Variants in NBPF12 observed in about 807,000 individuals in gnomAD.
The protein encoded by NBPF12 is NBPF member 12, also known as NBPF family member NBPF12.
NBPF12 carries 115 observed loss-of-function variants against 146.4 expected under a neutral mutation model. That is an observed-to-expected ratio of 0.79 (90% CI 0.68 to 0.92). NBPF12 has a LOEUF of 0.92. Among genes scored for constraint, NBPF12 ranks in the 40% least tolerant of loss-of-function variants. NBPF12 has a pLI of 0.00. For synonymous variants in NBPF12, 385 were observed against 508.9 expected (o/e 0.76, Z 3.28); for missense variants, 1,205 against 1,326.8 (o/e 0.91, Z 1.43).
intron 19 of NBPF12, among the ~76,000 whole-genome samples, chr1:146,981,292 A>AT (rs1182919966): frequency 0.051 from 5,252 of 103,622 alleles, 184 homozygotes; most frequent in African/African-American, 0.072. Flanking sequence ...AAAAAAAAAA[A>AT]AAATATATAT....
rs587764085 is a variant in NBPF12 at position 146,994,497 on chromosome 1, C to T, written c.4296C>T (p.Asp1432=). The T allele has an allele frequency of 9.3e-6, 15 of 1,609,422 alleles. No individual in the cohort carries two copies. In the South Asian group the frequency reaches 1.1e-4, roughly 12 times the overall value. ...AACAGCACATCACCTTTGCCCTTGACATGGACAATAGCTTTTTTACTTTGA... is the reference window on the plus strand; with the variant it reads ...AACAGCACATCACCTTTGCCCTTGATATGGACAATAGCTTTTTTACTTTGA... The change falls in exon 34 of 34, where the codon GAC becomes GAT. Residue 1432 remains aspartate (D), a synonymous_variant. Transcript: ENST00000617844.
intron 1 of NBPF12, among the ~76,000 whole-genome samples, chr1:146,950,108 C>T (rs1271220187): frequency 1.3e-5 from 2 of 152,064 alleles, no homozygotes; most frequent in African/African-American, 4.8e-5. Context: ...ATTCCATCTA[C>T]CACAGTAGGA....
chr1:146,967,185 T>A (rs1260889419), intron 9 of NBPF12, among the ~76,000 whole-genome samples: 1 of 150,294 alleles, frequency 6.7e-6, no homozygotes, highest in Non-Finnish European at 1.5e-5. Flanking sequence ...GAACCTGTGC[T>A]ATCTATAAGT....
At chr1:146,970,542 A>G in intron 11 of NBPF12, 105 bp from the exon 15 acceptor site, 2 of 1,409,950 alleles carry the variant, frequency 1.4e-6, no homozygotes, top group Admixed American at 1.7e-5. Context: ...TTTTCAGTAC[A>G]ATGCTGAACC....
chr1:146,960,079 CCAT>C (rs1655761516), intron 3 of NBPF12, 27 bp from the exon 7 acceptor site: 1 of 513,488 alleles, frequency 1.9e-6, no homozygotes, highest in Non-Finnish European at 3.3e-6. Context: ...AGTTTTTAAC[CCAT>C]CATATGTTTG....
upstream of NBPF12, among the ~76,000 whole-genome samples, chr1:146,945,146 C>T (rs1553883237): frequency 0.018 from 2,664 of 148,654 alleles, 47 homozygotes; most frequent in Non-Finnish European, 0.024. Context: ...TTCTTTCTCT[C>T]TCTCTCATGC....
At chr1:146,941,686 G>A (rs1654810093) in intron 1 of NBPF12, among the ~76,000 whole-genome samples, 2 of 145,700 alleles carry the variant, frequency 1.4e-5, no homozygotes, top group South Asian at 2.3e-4. Context: ...CCCAGGAGGC[G>A]GAGGTTGCAT....
At chr1:146,992,088 TGGAGACTCCTGGTTCAG>T (rs1658200609) in intron 31 of NBPF12, 42 bp downstream of exon 34, 1 of 559,888 alleles carries the variant, frequency 1.8e-6, no homozygotes. Context: ...TGTTGACATC[TGGAGACTCCTGGTTCAG>T]GGAAAACAGA....
rs1553886425 is a variant in NBPF12, at chr1:146,971,343, G to T, written c.1540G>T (p.Asp514Tyr). ...CAAAGTCAACTCATCTCTGGTTGTA[G>T]ACAGAGAATCCTCTCATGATGAATG... The change falls in exon 13 of 34, where the codon GAC (aspartate) becomes TAC (tyrosine). Residue 514 changes from aspartate (D) to tyrosine (Y), a missense_variant. By Grantham distance (160) the Asp-to-Tyr change is radical. This residue lies in a region of NBPF12 where 278 missense variants were observed against 203.1 expected (regional missense o/e 1.37). Coordinates refer to ENST00000617844, the Ensembl canonical transcript of NBPF12. The T allele has an allele frequency of 1.6e-4, 258 of 1,611,668 alleles. 3 individuals are homozygous for T. The highest frequency in any genetic ancestry group is 2.0e-4 in the Non-Finnish European group (234 of 1,179,446).
intron 2 of NBPF12, among the ~76,000 whole-genome samples, chr1:146,955,645 T>A (rs1655549449): frequency 2.7e-5 from 4 of 146,484 alleles, no homozygotes; most frequent in Admixed American, 2.7e-4. Flanking sequence ...CATAAGTGAT[T>A]AACTTCTTTT....
Position 146,992,594 on chromosome 1 carries a change from A to G in NBPF12, c.3849-118A>G, listed in dbSNP as rs1484000347. The G allele has an allele frequency of 3.5e-5, 24 of 694,294 alleles. 2 individuals carry two copies. Among genetic ancestry groups the G allele is most frequent in the Non-Finnish European group, 5.8e-5 (22 of 382,324 alleles). The allele number at this position is 694,294 out of a possible 1,614,324, so 43.0% of individuals were successfully genotyped here. On this transcript the variant is annotated intron_variant, in intron 31 of 33. Coordinates refer to ENST00000617844, the Ensembl canonical transcript of NBPF12. ...AAGGCAATAATTTGTTACCTCATTAATGGATCTATCCTTTTACTTTTTTTA... is the reference window on the plus strand; with the variant it reads ...AAGGCAATAATTTGTTACCTCATTAGTGGATCTATCCTTTTACTTTTTTTA...
chr1:146,951,939 G>A (rs1314571636), intron 2 of NBPF12: 4 of 179,052 alleles, frequency 2.2e-5, no homozygotes, highest in African/African-American at 9.6e-5. Context: ...GTAGACAAAG[G>A]TTTTTCAACT....
At chr1:146,980,773 T>G (rs1349587102) in intron 19 of NBPF12, among the ~76,000 whole-genome samples, 5 of 146,246 alleles carry the variant, frequency 3.4e-5, no homozygotes, top group Non-Finnish European at 6.0e-5. Context: ...AGCCATCCCA[T>G]TACTGGGTGT....
intron 2 of NBPF12, among the ~76,000 whole-genome samples, chr1:146,953,489 G>A (rs1249400316): frequency 2.0e-4 from 27 of 136,046 alleles, no homozygotes; most frequent in Admixed American, 1.2e-3. Context: ...GATTACAGGC[G>A]TGAGCCACCA....
intron 13 of NBPF12, among the ~76,000 whole-genome samples, chr1:146,971,792 A>T (rs1393454446): frequency 6.6e-6 from 1 of 150,668 alleles, no homozygotes; most frequent in African/African-American, 2.5e-5. Context: ...ATTAATAAGA[A>T]GTCTTGGCCA....
At chr1:146,964,183 A>G (rs1398246147) in intron 6 of NBPF12, among the ~76,000 whole-genome samples, 174 bp from the exon 10 acceptor site, 1 of 149,850 alleles carries the variant, frequency 6.7e-6, no homozygotes, top group Non-Finnish European at 1.5e-5. Context: ...TCAGAAATGC[A>G]TTGCCTGATG....
intron 2 of NBPF12, among the ~76,000 whole-genome samples, chr1:146,955,939 G>A (rs1282924572): frequency 2.7e-5 from 4 of 150,742 alleles, no homozygotes; most frequent in Non-Finnish European, 4.4e-5. Context: ...AAAACTCTTG[G>A]TGGGCTTTTG....
chr1:146,969,641 G>A lies in NBPF12; in HGVS notation c.1306+45G>A. On this transcript the variant is annotated intron_variant, in intron 11 of 33. Transcript: ENST00000617844. Reference sequence around the variant, plus strand: ...TGATGACCCAAAACCCCAGGCTTATGAGAGGCTCCAGACCTCCATACTTTC... The same window carrying A: ...TGATGACCCAAAACCCCAGGCTTATAAGAGGCTCCAGACCTCCATACTTTC... 4 of 1,576,394 alleles carry A rather than the reference G, an allele frequency of 2.5e-6. No homozygotes were observed. The South Asian group carries it at 3.3e-5, about 13-fold the overall frequency.
At chr1:146,981,047 G>A (rs1332520058) in intron 19 of NBPF12, among the ~76,000 whole-genome samples, 8 of 137,258 alleles carry the variant, frequency 5.8e-5, no homozygotes, top group African/African-American at 8.3e-5. Flanking sequence ...ACCAAATACC[G>A]CATGTTCTTA....
Sources: gnomAD v4.1 joint callset for allele counts (sites outside exome capture counted in the v4.1 genomes callset) on GRCh38, gnomAD v4.1.1 for gene constraint, gnomAD v4.1.1 regional missense constraint, MANE v1.5 for transcripts, NCBI Gene and HGNC (gene_info 2026-07-23, HGNC 2026-07-21) for gene names.